The following UGGT2 variants were observed in gnomAD, a reference collection of about 807,000 sequenced individuals.
UGGT2 encodes UDP-glucose glycoprotein glucosyltransferase 2.
UGGT2 carries 180 observed loss-of-function variants against 192.1 expected under a neutral mutation model. The observed-to-expected ratio is 0.94, with a 90% CI of 0.83 to 1.06. UGGT2 has a LOEUF of 1.06. Ranked by LOEUF, UGGT2 falls within the 50% of genes least tolerant of loss-of-function variation. The pLI, the probability that UGGT2 is intolerant of heterozygous loss-of-function variation, is 0.00. For synonymous variants in UGGT2, 580 were observed against 591.0 expected (o/e 0.98, Z 0.27); for missense variants, 1,849 against 1,795.7 (o/e 1.03, Z -0.54).
At chr13:96,045,752 T>C (rs905428080) in intron 1 of UGGT2, among the ~76,000 whole-genome samples, 4 of 151,952 alleles carry the variant, frequency 2.6e-5, no homozygotes, top group Non-Finnish European at 5.9e-5. Flanking sequence ...CCAACAAAAA[T>C]AAAATGCTTA....
intron 26 of UGGT2, among the ~76,000 whole-genome samples, chr13:95,885,572 T>A (rs1242285573): frequency 6.6e-6 from 1 of 152,206 alleles, no homozygotes; most frequent in Non-Finnish European, 1.5e-5. Context: ...TTTAGCCATA[T>A]TTTGTTTTAT....
chr13:96,020,434 G>T (rs954107740), intron 4 of UGGT2, among the ~76,000 whole-genome samples: 1 of 152,152 alleles, frequency 6.6e-6, no homozygotes, highest in Non-Finnish European at 1.5e-5. Flanking sequence ...GACCACCTGG[G>T]GGTGTCCATG....
rs1218827845 is a variant in UGGT2 at position 96,023,172 on chromosome 13, A to G, written c.373-20T>C. 6.5e-7 allele frequency: 1 copy of G among 1,546,742 alleles called. No individual in the cohort carries two copies. On this transcript the variant is annotated intron_variant, in intron 3 of 38. Coordinates refer to ENST00000376747, the MANE Select transcript of UGGT2 (RefSeq NM_020121.4). ...TGCAATCTAAGATTTCAAAGATTATATTTAGCTACAGCAGTTGATAATTAC... is the reference window on the plus strand; with the variant it reads ...TGCAATCTAAGATTTCAAAGATTATGTTTAGCTACAGCAGTTGATAATTAC...
At chr13:96,029,817 G>A (rs561756172) in intron 2 of UGGT2, among the ~76,000 whole-genome samples, 39 of 152,142 alleles carry the variant, frequency 2.6e-4, no homozygotes, top group Non-Finnish European at 4.7e-4. Context: ...TTAAGATTGC[G>A]TCTCCAATAA....
In UGGT2 at chr13:96,053,181, G is replaced by T; in HGVS notation, c.132C>A (p.Pro44=). 5 of 1,520,246 alleles carry T rather than the reference G, an allele frequency of 3.3e-6. No individual in the cohort carries two copies. The highest frequency in any genetic ancestry group is 4.4e-6 in the Non-Finnish European group (5 of 1,140,210). 94.2% of individuals were successfully genotyped at this position (1,520,246 alleles called of 1,614,324 possible). ...SVTAHLAAKW[P]ETPLLLEASE... ...TTGCCTCCAGCAGCAGCGGGGTCTCGGGCCACTTCGCGGCCAAGTGGGCAG... is the reference window on the plus strand; with the variant it reads ...TTGCCTCCAGCAGCAGCGGGGTCTCTGGCCACTTCGCGGCCAAGTGGGCAG... Residue 44 remains proline, a synonymous_variant, in exon 1 of 39, where the codon CCC becomes CCA. Transcript: ENST00000376747.
rs187726030 is a variant in UGGT2, at chr13:95,995,936, G to A, written c.830+127C>T. Reference sequence around the variant, plus strand: ...ACTTCTGTAATAAATAAAAACAATCGTATGTGTGTGTGTTTGTACTTTCTA... The same window carrying A: ...ACTTCTGTAATAAATAAAAACAATCATATGTGTGTGTGTTTGTACTTTCTA... On this transcript the variant is annotated intron_variant, in intron 7 of 38. Coordinates refer to ENST00000376747, the MANE Select transcript of UGGT2 (RefSeq NM_020121.4). 6.0e-5 allele frequency: 46 copies of A among 763,862 alleles called. No individual in the cohort carries two copies. In the East Asian group the frequency reaches 6.5e-4, roughly 11 times the overall value. The allele number at this position is 763,862 out of a possible 1,614,324, so 47.3% of individuals were successfully genotyped here.
intron 5 of UGGT2, among the ~76,000 whole-genome samples, chr13:96,012,239 T>C (rs1355678797): frequency 6.6e-6 from 1 of 152,030 alleles, no homozygotes; most frequent in Non-Finnish European, 1.5e-5. Context: ...ATTTTTCATA[T>C]GGAAAAAACA....
In UGGT2 at chr13:95,803,764, G is replaced by A. The variant is rs564668635; in HGVS notation, c.4529-1952C>T. Among the ~76,000 whole-genome samples the A allele has an allele frequency of 2.0e-5, 3 of 152,222 alleles. No homozygotes were observed. In the East Asian group the frequency reaches 5.8e-4, roughly 29 times the overall value. ...GGAGAAACACATTTAAACCCTGGCA[G>A]AGGAAACCCACACCAGTTATTATAT... On this transcript the variant is annotated intron_variant, in intron 38 of 38. Coordinates refer to ENST00000376747, the MANE Select transcript of UGGT2 (RefSeq NM_020121.4).
intron 4 of UGGT2, 58 bp downstream of exon 4, chr13:96,022,982 G>A: frequency 2.4e-6 from 3 of 1,229,236 alleles, no homozygotes; most frequent in Non-Finnish European, 2.2e-6. Context: ...AGAAGTTTCT[G>A]CTATTGAACT....
chr13:95,998,856 GACCCAGATGCCTATGCCAGTC>G, intron 6 of UGGT2, among the ~76,000 whole-genome samples: 1 of 151,710 alleles, frequency 6.6e-6, no homozygotes, highest in Admixed American at 6.6e-5. Context: ...ACATGGGCGA[GACCCAGATGCCTATGCCAGTC>G]ACCTCTAGCA....
chr13:95,859,487 CA>C, intron 33 of UGGT2, 103 bp downstream of exon 33: 1 of 976,778 alleles, frequency 1.0e-6, no homozygotes, highest in East Asian at 2.8e-5. Context: ...ACCATTTTTT[CA>C]AAAAGCTTAT....
chr13:96,000,343 T>C (rs993205735), intron 5 of UGGT2, among the ~76,000 whole-genome samples: 1 of 152,218 alleles, frequency 6.6e-6, no homozygotes, highest in Non-Finnish European at 1.5e-5. Context: ...GATATGTATA[T>C]GGCCAGAGTG....
intron 38 of UGGT2, among the ~76,000 whole-genome samples, chr13:95,819,796 C>T (rs1011629138): frequency 6.6e-6 from 1 of 152,128 alleles, no homozygotes; most frequent in Non-Finnish European, 1.5e-5. Flanking sequence ...GTAGAATCAA[C>T]TAAAACTGAG....
chr13:95,822,212 C>T (rs890297325), intron 38 of UGGT2, among the ~76,000 whole-genome samples: 30 of 152,036 alleles, frequency 2.0e-4, no homozygotes, highest in African/African-American at 6.5e-4. Context: ...TTTGTGTCAT[C>T]TATGATGATT....
chr13:95,914,959 T>C (rs1281331076), intron 20 of UGGT2, among the ~76,000 whole-genome samples: 1 of 152,160 alleles, frequency 6.6e-6, no homozygotes, highest in Non-Finnish European at 1.5e-5. Context: ...TAAAGTGACA[T>C]GCAAAATATT....
chr13:96,016,783 G>T (rs553073647), intron 4 of UGGT2, among the ~76,000 whole-genome samples: 1 of 152,134 alleles, frequency 6.6e-6, no homozygotes, highest in African/African-American at 2.4e-5. Context: ...AGCTAGTGGA[G>T]GGGGGGCTGC....
chr13:95,888,399 T>C (rs1274553245), intron 25 of UGGT2, among the ~76,000 whole-genome samples: 1 of 152,210 alleles, frequency 6.6e-6, no homozygotes, highest in Admixed American at 6.5e-5. Flanking sequence ...GAATAAATAC[T>C]TTCTTTTCAT....
rs878959713 is a variant in UGGT2, at chr13:95,884,578, G to A, written c.3141C>T (p.Leu1047=). The A allele has an allele frequency of 6.2e-7, 1 of 1,613,978 alleles. No homozygotes were observed. Among genetic ancestry groups the A allele is most frequent in the South Asian group, 1.1e-5 (1 of 91,064 alleles). The change falls in exon 27 of 39, where the codon CTC becomes CTT. Residue 1047 remains leucine (L), a synonymous_variant. Transcript: ENST00000376747. ...AKFLDIPESP[L]LILNMITPEG... is the part of the protein sequence containing the mutation. ...CTGGAGTAATCATGTTGAGGATTAG[G>A]AGGGGTGATTCAGGAATATCCAAAA...
intron 2 of UGGT2, among the ~76,000 whole-genome samples, chr13:96,027,949 T>A (rs889827180): frequency 6.6e-6 from 1 of 152,220 alleles, no homozygotes; most frequent in African/African-American, 2.4e-5. Flanking sequence ...GCTTTCATGA[T>A]CTAATACTTT....
Sources: gnomAD v4.1 joint callset for allele counts (sites outside exome capture counted in the v4.1 genomes callset) on GRCh38, gnomAD v4.1.1 for gene constraint, MANE v1.5 for transcripts, NCBI Gene and HGNC (gene_info 2026-07-23, HGNC 2026-07-21) for gene names.